Variants in MCF2L observed in about 807,000 individuals in gnomAD.
MCF2L encodes the protein MCF.2 cell line derived transforming sequence like.
MCF2L carries 97 observed loss-of-function variants against 153.4 expected under a neutral mutation model. The ratio of observed to expected loss-of-function variants is 0.63; its 90% confidence interval spans 0.54 to 0.75. The LOEUF is 0.75. Ranked by LOEUF, MCF2L falls within the 30% of genes least tolerant of loss-of-function variation. The probability of loss-of-function intolerance (pLI) is 0.00; values close to 1 mark genes in which losing one functional copy is unlikely to be tolerated. For missense variants in MCF2L, 1,347 were observed against 1,495.2 expected (o/e 0.90, Z 1.64); for synonymous variants, 659 against 632.2 (o/e 1.04, Z -0.64).
chr13:112,995,271 G>A (rs1378122938), intron 1 of MCF2L, among the ~76,000 whole-genome samples: 4 of 152,204 alleles, frequency 2.6e-5, no homozygotes, highest in East Asian at 1.9e-4. Context: ...ACCGGGGCTC[G>A]CTCTCGAGCC....
intron 1 of MCF2L, chr13:113,001,620 C>T: frequency 8.3e-7 from 1 of 1,205,976 alleles, no homozygotes; most frequent in Non-Finnish European, 1.1e-6. Context: ...CACCAGGAAC[C>T]TGAAGCCTCC....
intron 1 of MCF2L, among the ~76,000 whole-genome samples, chr13:112,898,247 G>A (rs552336641): frequency 2.0e-5 from 3 of 152,194 alleles, no homozygotes; most frequent in South Asian, 2.1e-4. Context: ...ATGTGTGGCC[G>A]ACGTAAAGTC....
chr13:112,967,501 T>C (rs2993271), upstream of MCF2L: 143,092 of 152,366 alleles, frequency 0.94, 67,454 homozygotes, highest in Non-Finnish European at 0.98. Context: ...TACAGATTTA[T>C]TCAATACTTT....
chr13:112,981,348 G>A (rs2082418132), intron 1 of MCF2L, among the ~76,000 whole-genome samples: 1 of 152,216 alleles, frequency 6.6e-6, no homozygotes, highest in South Asian at 2.1e-4. Context: ...CAGCGACAGG[G>A]CCTCTCTGCG....
intron 12 of MCF2L, 122 bp from the exon 13 acceptor site, chr13:113,076,930 C>G (rs1462225936): frequency 2.8e-6 from 3 of 1,062,360 alleles, no homozygotes; most frequent in Non-Finnish European, 4.1e-6. Context: ...CGCTGACAGA[C>G]CCCGCATGGA....
intron 1 of MCF2L, among the ~76,000 whole-genome samples, chr13:113,012,321 G>A: frequency 9.0e-6 from 1 of 111,692 alleles, no homozygotes; most frequent in Non-Finnish European, 2.0e-5. Context: ...GTGGACAGGT[G>A]GTGTGGACGG....
In MCF2L at chr13:113,064,785, G is replaced by T. The variant is rs2141829901; in HGVS notation, c.607-151G>T. 1.3e-6 allele frequency: 1 copy of T among 764,776 alleles called. No individual in the cohort carries two copies. The highest frequency in any genetic ancestry group is 2.7e-5 in the East Asian group (1 of 37,238). The allele number at this position is 764,776 out of a possible 1,614,324, so 47.4% of individuals were successfully genotyped here. A position where few individuals can be genotyped will look rare whatever the true frequency, so the allele number is the denominator to read the frequency against. ...TTTCTGAAGAGGTCAAGGAGGGCAG[G>T]ACGCTATGGGAGGGCGTTCACCGTC... is the stretch of plus-strand genomic sequence containing the variant. On this transcript the variant is annotated intron_variant, in intron 6 of 29. Transcript: ENST00000535094. The surrounding 1 kb of genome is among the most constrained non-coding windows in gnomAD (Gnocchi z 6.0).
At chr13:112,925,847 G>A (rs531657367) in intron 2 of MCF2L, among the ~76,000 whole-genome samples, 13 of 152,268 alleles carry the variant, frequency 8.5e-5, no homozygotes, top group South Asian at 4.1e-4. Context: ...TACATTAAAC[G>A]TATTTTAAAC....
rs1049561653 is a variant in MCF2L, at chr13:112,938,316, A to G, written c.169+35945A>G. Reference sequence around the variant, plus strand: ...GGTTCAGGTGAGCTCTGAGTGGTTGATTCAGGTGAGCTCTGAGTGGTTGGT... The same window carrying G: ...GGTTCAGGTGAGCTCTGAGTGGTTGGTTCAGGTGAGCTCTGAGTGGTTGGT... On this transcript the variant is annotated intron_variant, in intron 2 of 29. Coordinates refer to the MCF2L transcript ENST00000375608. Among the ~76,000 whole-genome samples the G allele has an allele frequency of 3.1e-3, 430 of 137,870 alleles. 1 individual carries two copies. Among genetic ancestry groups the G allele is most frequent in the African/African-American group, 0.011 (411 of 36,618 alleles). The allele number at this position is 137,870 out of a possible 152,430, so 90.4% of individuals were successfully genotyped here.
chr13:113,021,654 C>T lies in MCF2L; in HGVS notation c.164-2990C>T, dbSNP rs78338625. Among the ~76,000 whole-genome samples the T allele has an allele frequency of 7.7e-3, 1,170 of 152,292 alleles. 15 individuals carry two copies. The highest frequency in any genetic ancestry group is 0.027 in the African/African-American group (1,119 of 41,548). ...AGCCTGTTCTTGGTGCCATTGGCCC[C>T]GGGTCCTGGCACTGCCCACCTTGGT... is the stretch of plus-strand genomic sequence containing the variant. On this transcript the variant is annotated intron_variant, in intron 2 of 29. Coordinates refer to ENST00000535094, the MANE Select transcript of MCF2L (RefSeq NM_001112732.3).
chr13:112,946,803 G>A (rs913855933), intron 2 of MCF2L, among the ~76,000 whole-genome samples: 2 of 152,206 alleles, frequency 1.3e-5, no homozygotes, highest in Non-Finnish European at 2.9e-5. Flanking sequence ...TCCCAGGAAG[G>A]TGGAACAGAC....
At position 113,098,966 on chromosome 13, in the gene MCF2L, G is replaced by A. The variant is rs1410876531; in HGVS notation, c.*2107G>A. On this transcript the variant is annotated 3_prime_UTR_variant, in exon 30 of 30. Transcript: ENST00000535094. ...GCCCAGATGTGTCTGGCTCACAACA[G>A]ACGTGATCATGTTATGCTGGCCTGG... The A allele has an allele frequency of 1.3e-5, 2 of 152,264 alleles. No individual in the cohort carries two copies. Among genetic ancestry groups the A allele is most frequent in the African/African-American group, 2.4e-5 (1 of 41,466 alleles). The allele number at this position is 152,264 out of a possible 1,614,324, so 9.4% of individuals were successfully genotyped here. A position where few individuals can be genotyped will look rare whatever the true frequency, so the allele number is the denominator to read the frequency against.
intron 2 of MCF2L, among the ~76,000 whole-genome samples, chr13:112,902,725 G>A (rs2081131830): frequency 6.6e-6 from 1 of 152,234 alleles, no homozygotes; most frequent in South Asian, 2.1e-4. Flanking sequence ...ACAATTTGTA[G>A]GCTTTGCTTC....
At chr13:112,968,711 G>C, upstream of MCF2L, 1 of 1,397,586 alleles carries the variant, frequency 7.2e-7, no homozygotes, top group Non-Finnish European at 9.2e-7. Flanking sequence ...CGGGGCGGCC[G>C]GAGGTAAAGG....
chr13:112,926,836 G>A (rs1256040160), intron 2 of MCF2L, among the ~76,000 whole-genome samples: 1 of 152,140 alleles, frequency 6.6e-6, no homozygotes, highest in Admixed American at 6.5e-5. Context: ...ATGTTGGTCA[G>A]GGATTATTGT....
intron 4 of MCF2L, among the ~76,000 whole-genome samples, chr13:113,058,943 C>CTGTCTGGGTGCTGAG (rs2030864218): frequency 6.9e-6 from 1 of 144,472 alleles, no homozygotes; most frequent in African/African-American, 2.6e-5. Flanking sequence ...TGTTTCGGCA[C>CTGTCTGGGTGCTGAG]TGTTTGGGTG....
At chr13:113,091,544 G>A (rs1017978864) in intron 26 of MCF2L, among the ~76,000 whole-genome samples, 1 of 152,310 alleles carries the variant, frequency 6.6e-6, no homozygotes, top group Non-Finnish European at 1.5e-5. Context: ...AGGGCACCCT[G>A]TTCCCTGCCC....
chr13:112,972,162 T>C (rs1214370834), intron 1 of MCF2L, among the ~76,000 whole-genome samples: 1 of 152,184 alleles, frequency 6.6e-6, no homozygotes, highest in East Asian at 1.9e-4. Context: ...GTTGACCTAA[T>C]ACTAACTCTT....
intron 29 of MCF2L, 34 bp downstream of exon 29, chr13:113,096,687 G>A (rs762219158): frequency 6.4e-7 from 1 of 1,560,542 alleles, no homozygotes; most frequent in Non-Finnish European, 8.6e-7. Context: ...CACCCGTGAC[G>A]CTGCCAAGGG....
Sources: allele counts gnomAD v4.1 joint callset (sites outside exome capture counted in the v4.1 genomes callset), GRCh38; gene constraint gnomAD v4.1.1; non-coding constraint Gnocchi (gnomAD v3.1); transcripts MANE v1.5; gene names NCBI Gene and HGNC (gene_info 2026-07-23, HGNC 2026-07-21).